RNF43: variants seen among roughly 807,000 people sequenced by gnomAD.
RNF43 encodes ring finger protein 43, also known as E3 ubiquitin-protein ligase RNF43.
A neutral mutation model predicts 78.4 loss-of-function variants in RNF43; 37 were observed. The observed-to-expected ratio is 0.47, with a 90% CI of 0.36 to 0.62. The LOEUF (loss-of-function observed/expected upper bound fraction) is 0.62. RNF43 is among the 20% of genes least tolerant of loss of function. RNF43 has a pLI of 0.00. For missense variants in RNF43, 774 were observed against 1,007.9 expected (o/e 0.77, Z 3.14); for synonymous variants, 347 against 395.0 (o/e 0.88, Z 1.44).
In RNF43 at chr17:58,357,793, G is replaced by C. The variant is rs371820221; in HGVS notation, c.1983C>G (p.Ser661=). 1 of 1,614,094 alleles carries C rather than the reference G, an allele frequency of 6.2e-7. No individual in the cohort carries two copies. The highest frequency in any genetic ancestry group is 1.1e-5 in the South Asian group (1 of 91,084). ...GGGGCCGAGAGCCAGGGGTGGGCTC[G>C]GAGGGACCCCCCCGCCTTTTCCTCT... The part of the protein sequence containing the change: ...HPQRKRRGGP[S]EPTPGSRPQD... Residue 661 remains serine, a synonymous_variant, in exon 9 of 10, where the codon TCC becomes TCG. Transcript: ENST00000407977. The surrounding 1 kb of genome is among the most constrained non-coding windows in gnomAD (Gnocchi z 4.5).
intron 6 of RNF43, 137 bp from the exon 7 acceptor site, chr17:58,361,081 G>A (rs1303430293): frequency 1.5e-5 from 13 of 872,022 alleles, no homozygotes; most frequent in Admixed American, 1.1e-4. Flanking sequence ...TCGTCTCCTC[G>A]GAGCTCATAT....
intron 2 of RNF43, among the ~76,000 whole-genome samples, chr17:58,411,130 T>C (rs973539654): frequency 1.3e-5 from 2 of 152,212 alleles, no homozygotes; most frequent in Non-Finnish European, 2.9e-5. Flanking sequence ...TTATGAGAAT[T>C]CAGTGAGCTA....
At chr17:58,383,686 C>T (rs1322112817) in intron 2 of RNF43, among the ~76,000 whole-genome samples, 1 of 152,198 alleles carries the variant, frequency 6.6e-6, no homozygotes, top group African/African-American at 2.4e-5. Flanking sequence ...GGCGTGATCT[C>T]GGCTCACTGC....
At position 58,370,985 on chromosome 17, in the gene RNF43, G is replaced by C. The variant is rs773179126; in HGVS notation, c.301C>G (p.Pro101Ala). Reference sequence around the variant, plus strand: ...AGCTTGACGATGCTGATGAATCCAGGCTCCAGATTGTCGTCATCACTGGCA... The same window carrying C: ...AGCTTGACGATGCTGATGAATCCAGCCTCCAGATTGTCGTCATCACTGGCA... ...CNASDDDNLEPGFISIVKLES... is the reference protein window; with the variant it reads ...CNASDDDNLEAGFISIVKLES... Residue 101 changes from proline (P) to alanine (A), a missense_variant, in exon 3 of 10, where the codon CCT becomes GCT. By Grantham distance (27) the Pro-to-Ala change is conservative. Coordinates refer to ENST00000407977, the MANE Select transcript of RNF43 (RefSeq NM_017763.6). 3.1e-6 allele frequency: 5 copies of C among 1,611,524 alleles called. No individual in the cohort carries two copies. In the South Asian group the frequency reaches 4.4e-5, roughly 14 times the overall value.
At chr17:58,406,221 C>A (rs1973909628) in intron 2 of RNF43, among the ~76,000 whole-genome samples, 1 of 152,168 alleles carries the variant, frequency 6.6e-6, no homozygotes, top group Admixed American at 6.5e-5. Flanking sequence ...TCTATATCTT[C>A]TTAATGGAAT....
chr17:58,406,330 C>T (rs1404819842), intron 2 of RNF43, among the ~76,000 whole-genome samples: 1 of 152,076 alleles, frequency 6.6e-6, no homozygotes, highest in Non-Finnish European at 1.5e-5. Flanking sequence ...AAAATATTGG[C>T]CAGTAAGATA....
chr17:58,357,370 A>G lies in RNF43; in HGVS notation c.2308+98T>C. On this transcript the variant is annotated intron_variant, in intron 9 of 9. Transcript: ENST00000407977. This position sits in a 1 kb window ranked among gnomAD's most constrained non-coding sequence, Gnocchi z 4.5. The stretch of plus-strand genomic sequence containing the variant: ...TTGTCATCTCTGCTGTATCCTTCTC[A>G]GCTTCCATCAACCCTTTGTTGGCTG... The G allele has an allele frequency of 6.8e-7, 1 of 1,465,538 alleles. No individual in the cohort carries two copies. The highest frequency in any genetic ancestry group is 9.6e-7 in the Non-Finnish European group (1 of 1,046,404). The allele number at this position is 1,465,538 out of a possible 1,614,324, so 90.8% of individuals were successfully genotyped here.
At position 58,358,817 on chromosome 17, in the gene RNF43, TCTCCCTCTGG is replaced by T; in HGVS notation, c.953-4_958del. 1 of 1,496,720 alleles carries T rather than the reference TCTCCCTCTGG, an allele frequency of 6.7e-7. No homozygotes were observed. Among genetic ancestry groups the T allele is most frequent in the Admixed American group, 2.4e-5 (1 of 41,204 alleles). The allele number at this position is 1,496,720 out of a possible 1,614,324, so 92.7% of individuals were successfully genotyped here. A position where few individuals can be genotyped will look rare whatever the true frequency, so the allele number is the denominator to read the frequency against. ...GGGTCCCAGGGACTGGGAAAATGAA[TCTCCCTCTGG>T]AAAAAAGAACCAAGAGCACAGATGT... On this transcript the variant is annotated splice_acceptor_variant and splice_polypyrimidine_tract_variant and coding_sequence_variant and intron_variant, in exon 9 of 10. Transcript: ENST00000407977. LOFTEE classifies it high-confidence loss of function. This position sits in a 1 kb window ranked among gnomAD's most constrained non-coding sequence, Gnocchi z 6.2.
chr17:58,382,655 G>C (rs1973345150), intron 2 of RNF43, among the ~76,000 whole-genome samples: 1 of 152,102 alleles, frequency 6.6e-6, no homozygotes, highest in African/African-American at 2.4e-5. Context: ...GTGTACTGCT[G>C]AGTTATGCAT....
intron 2 of RNF43, among the ~76,000 whole-genome samples, chr17:58,414,543 T>C (rs1021986772): frequency 4.6e-5 from 7 of 152,200 alleles, no homozygotes; most frequent in Non-Finnish European, 1.0e-4. Flanking sequence ...GAATGAGCAA[T>C]TGGTCTATGA....
intron 2 of RNF43, among the ~76,000 whole-genome samples, chr17:58,380,691 G>A (rs577144280): frequency 2.6e-5 from 4 of 152,286 alleles, no homozygotes; most frequent in South Asian, 2.1e-4. Context: ...ATTTAAATAC[G>A]CCAGAGGCCC....
At chr17:58,373,409 A>G (rs1037347725) in intron 2 of RNF43, among the ~76,000 whole-genome samples, 2 of 152,230 alleles carry the variant, frequency 1.3e-5, no homozygotes. Flanking sequence ...CGAATTAACA[A>G]CTATGGAAGA....
rs968508276 is a variant in RNF43, at chr17:58,368,133, T to C, written c.375+2778A>G. Among the ~76,000 whole-genome samples the C allele has an allele frequency of 6.6e-5, 10 of 152,292 alleles. No homozygotes were observed. The East Asian group carries it at 1.4e-3, about 21-fold the overall frequency. On this transcript the variant is annotated intron_variant, in intron 3 of 9. Transcript: ENST00000407977. ...AGCTCTGTCATTGGTGACAACACCA[T>C]TGACACCAACAGGAAAAGCCAAAGC... is the stretch of plus-strand genomic sequence containing the variant.
chr17:58,384,738 C>T (rs1355412868), intron 2 of RNF43, among the ~76,000 whole-genome samples: 3 of 152,110 alleles, frequency 2.0e-5, no homozygotes, highest in African/African-American at 4.8e-5. Context: ...GGCAGAAGCA[C>T]GGACATAACA....
rs1972628214 is a variant in RNF43, at chr17:58,353,974, T to C, written c.*969A>G. On this transcript the variant is annotated 3_prime_UTR_variant, in exon 10 of 10. Transcript: ENST00000407977. ...AGGCCAGACTTGTGCTCTAATCCAC[T>C]CTCCTGTGGGTCCCTGGCCTGTATG... 1 of 186,574 alleles carries C rather than the reference T, an allele frequency of 5.4e-6. No homozygotes were observed. Among genetic ancestry groups the C allele is most frequent in the South Asian group, 2.0e-4 (1 of 5,110 alleles). 11.6% of individuals were successfully genotyped at this position (186,574 alleles called of 1,614,324 possible).
chr17:58,377,979 A>C (rs1443708469), intron 2 of RNF43, among the ~76,000 whole-genome samples: 1 of 152,084 alleles, frequency 6.6e-6, no homozygotes, highest in Non-Finnish European at 1.5e-5. Flanking sequence ...GGAAAAAAAC[A>C]GGTTGGCCTG....
At chr17:58,409,404 A>T (rs904270352) in intron 2 of RNF43, among the ~76,000 whole-genome samples, 9 of 152,218 alleles carry the variant, frequency 5.9e-5, no homozygotes, top group South Asian at 4.1e-4. Context: ...ATAACATTTT[A>T]AAAAATCTAC....
At chr17:58,381,826 G>A (rs1973325609) in intron 2 of RNF43, among the ~76,000 whole-genome samples, 2 of 152,158 alleles carry the variant, frequency 1.3e-5, no homozygotes, top group South Asian at 4.2e-4. Context: ...GAAAACATAT[G>A]ATGGGAAAAT....
intron 2 of RNF43, among the ~76,000 whole-genome samples, chr17:58,412,173 G>A (rs928598664): frequency 3.3e-5 from 5 of 152,106 alleles, no homozygotes; most frequent in East Asian, 1.9e-4. Flanking sequence ...AATCAGAGAA[G>A]AGGAAGAGAC....
Sources: gnomAD v4.1 joint callset for allele counts (sites outside exome capture counted in the v4.1 genomes callset) on GRCh38, gnomAD v4.1.1 for gene constraint, Gnocchi (gnomAD v3.1) non-coding constraint, MANE v1.5 for transcripts, NCBI Gene and HGNC (gene_info 2026-07-23, HGNC 2026-07-21) for gene names.